Variants in CDH13 observed in about 807,000 individuals in gnomAD.
CDH13 encodes the protein cadherin-13.
CDH13 carries 24 observed loss-of-function variants against 63.8 expected under a neutral mutation model. The observed-to-expected ratio is 0.38, with a 90% confidence interval of 0.27 to 0.53. The LOEUF (loss-of-function observed/expected upper bound fraction) is 0.53, where lower values mean the gene tolerates loss of function less well. CDH13 is among the 20% of genes least tolerant of loss of function. The pLI is 0.85. For synonymous variants in CDH13, 503 were observed against 355.3 expected, an observed-to-expected ratio of 1.42 and a Z score of -4.67; for missense variants, 1,049 against 903.1, an observed-to-expected ratio of 1.16 and a Z score of -2.07.
At chr16:83,576,991 C>A (rs550425215) in intron 7 of CDH13, among the ~76,000 whole-genome samples, 35 of 152,234 alleles carry the variant, frequency 2.3e-4, no homozygotes, top group African/African-American at 7.5e-4. Flanking sequence ...GTATTTTTAA[C>A]CAACTAAATA....
chr16:83,276,241 G>A (rs1167815122), intron 5 of CDH13, among the ~76,000 whole-genome samples: 1 of 152,056 alleles, frequency 6.6e-6, no homozygotes, highest in African/African-American at 2.4e-5. Context: ...GCTGATATCT[G>A]TTTTTCCCTT....
At chr16:83,143,884 G>A (rs185952396) in intron 4 of CDH13, among the ~76,000 whole-genome samples, 48 of 152,036 alleles carry the variant, frequency 3.2e-4, no homozygotes, top group East Asian at 1.2e-3. Flanking sequence ...AGTTGATGTC[G>A]GCTGGGAAAC....
chr16:83,022,004 C>T (rs1274551943), intron 2 of CDH13, among the ~76,000 whole-genome samples: 52 of 152,250 alleles, frequency 3.4e-4, no homozygotes, highest in Non-Finnish European at 1.0e-4. Context: ...TGAGAGTATT[C>T]AGGAAAGTCA....
At chr16:82,924,222 T>C (rs1454945904) in intron 2 of CDH13, among the ~76,000 whole-genome samples, 1 of 152,214 alleles carries the variant, frequency 6.6e-6, no homozygotes, top group East Asian at 1.9e-4. Flanking sequence ...AAACAGAAGA[T>C]AATGATCAAA....
At chr16:83,327,411 T>G (rs1597756040) in intron 5 of CDH13, among the ~76,000 whole-genome samples, 1 of 152,254 alleles carries the variant, frequency 6.6e-6, no homozygotes, top group Non-Finnish European at 1.5e-5. Context: ...CAAGCGTCAT[T>G]TCTTTTTGTC....
At chr16:83,288,013 G>A (rs1230291589) in intron 5 of CDH13, among the ~76,000 whole-genome samples, 1 of 152,194 alleles carries the variant, frequency 6.6e-6, no homozygotes, top group African/African-American at 2.4e-5. Context: ...TCTTTCGTTT[G>A]ACTCAGGCTC....
At chr16:82,649,612 T>C (rs554309191) in intron 1 of CDH13, among the ~76,000 whole-genome samples, 34 of 152,150 alleles carry the variant, frequency 2.2e-4, no homozygotes, top group African/African-American at 8.2e-4. Context: ...AGTCAGAGCA[T>C]GGCATGTATG....
At chr16:83,517,408 A>G (rs1386389003) in intron 7 of CDH13, among the ~76,000 whole-genome samples, 1 of 152,140 alleles carries the variant, frequency 6.6e-6, no homozygotes, top group African/African-American at 2.4e-5. Context: ...TCTGCTGGGG[A>G]GCTCTGTTCC....
chr16:83,305,907 A>G (rs142272006), intron 5 of CDH13, among the ~76,000 whole-genome samples: 142 of 152,344 alleles, frequency 9.3e-4, no homozygotes, highest in African/African-American at 3.4e-3. Context: ...GAATAATGAC[A>G]GTGCCTAACT....
intron 6 of CDH13, among the ~76,000 whole-genome samples, chr16:83,370,017 C>T (rs1041149163): frequency 6.6e-6 from 1 of 152,222 alleles, no homozygotes; most frequent in African/African-American, 2.4e-5. Context: ...CGATCTCCTC[C>T]ACTTGGATCT....
At chr16:83,293,812 CT>C (rs2089521233) in intron 5 of CDH13, among the ~76,000 whole-genome samples, 1 of 152,174 alleles carries the variant, frequency 6.6e-6, no homozygotes, top group African/African-American at 2.4e-5. Context: ...GCTACAGTTT[CT>C]TCCCAACAGA....
At chr16:83,731,477 C>G (rs1911039011) in intron 10 of CDH13, among the ~76,000 whole-genome samples, 1 of 152,152 alleles carries the variant, frequency 6.6e-6, no homozygotes, top group Admixed American at 6.5e-5. Flanking sequence ...TGCAAAGTGT[C>G]TGTTCATGTC....
chr16:83,743,200 T>A (rs1215937607), intron 10 of CDH13, among the ~76,000 whole-genome samples: 1 of 151,916 alleles, frequency 6.6e-6, no homozygotes. Flanking sequence ...AGAGCAAGAC[T>A]CCGTCTCAAA....
At chr16:83,376,431 A>C (rs79882706) in intron 6 of CDH13, among the ~76,000 whole-genome samples, 13,966 of 152,274 alleles carry the variant, frequency 0.092, 887 homozygotes, top group Non-Finnish European at 0.14. Context: ...GCTGATATCA[A>C]GAGCAAGGAG....
chr16:83,388,356 G>C (rs994215634), intron 6 of CDH13, among the ~76,000 whole-genome samples: 9 of 152,012 alleles, frequency 5.9e-5, no homozygotes, highest in Non-Finnish European at 1.2e-4. Flanking sequence ...GGGAGGCTGA[G>C]GTGGGAGGAT....
intron 5 of CDH13, among the ~76,000 whole-genome samples, chr16:83,232,786 A>G (rs191902944): frequency 2.9e-3 from 447 of 152,270 alleles, no homozygotes; most frequent in African/African-American, 0.01. Context: ...TTTTATAGCA[A>G]TGCAAGAACA....
intron 8 of CDH13, among the ~76,000 whole-genome samples, chr16:83,612,810 C>T (rs1908968963): frequency 6.6e-6 from 1 of 152,118 alleles, no homozygotes; most frequent in African/African-American, 2.4e-5. Flanking sequence ...CTCCTTTTAT[C>T]ATCCTCCTAC....
chr16:83,507,345 T>C (rs2074425121), intron 7 of CDH13, among the ~76,000 whole-genome samples: 1 of 152,240 alleles, frequency 6.6e-6, no homozygotes, highest in Non-Finnish European at 1.5e-5. Context: ...GCTCAGAAGA[T>C]GGCTGAATGA....
intron 2 of CDH13, among the ~76,000 whole-genome samples, chr16:82,884,747 C>T (rs754321889): frequency 6.6e-6 from 1 of 152,162 alleles, no homozygotes; most frequent in Non-Finnish European, 1.5e-5. Flanking sequence ...AGACTTAGGC[C>T]ACTTTGTTTT....
Sources: gnomAD v4.1 joint callset for allele counts (sites outside exome capture counted in the v4.1 genomes callset) on GRCh38, gnomAD v4.1.1 for gene constraint, MANE v1.5 for transcripts, NCBI Gene and HGNC (gene_info 2026-07-23, HGNC 2026-07-21) for gene names.